OR2L13: variants seen among roughly 807,000 people sequenced by gnomAD.
The protein encoded by OR2L13 is olfactory receptor family 2 subfamily L member 13, also known as olfactory receptor 2L13.
Under a neutral mutation model 15.3 loss-of-function variants are expected in OR2L13, and 14 were observed. That is an observed-to-expected ratio of 0.91 (90% CI 0.60 to 1.43). OR2L13 has a LOEUF of 1.43. Ranked by LOEUF, OR2L13 falls within the 40% of genes most tolerant of loss-of-function variation. The pLI is 0.00. For missense variants in OR2L13, 367 were observed against 387.9 expected (o/e 0.95, Z 0.45); for synonymous variants, 152 against 142.9 (o/e 1.06, Z -0.45).
chr1:248,052,859 G>GA, the OR2L13 span, among the ~76,000 whole-genome samples: 16 of 149,552 alleles, frequency 1.1e-4, no homozygotes, highest in South Asian at 4.2e-4. Flanking sequence ...TTCTGTTTCT[G>GA]AAAAAAAAAA....
chr1:248,046,414 T>C, the OR2L13 span, among the ~76,000 whole-genome samples: 1 of 152,228 alleles, frequency 6.6e-6, no homozygotes, highest in Non-Finnish European at 1.5e-5. Context: ...GCAGACGCAT[T>C]GTTACTGTGG....
chr1:248,087,533 G>C, the OR2L13 span: 5 of 152,118 alleles, frequency 3.3e-5, no homozygotes, highest in African/African-American at 1.2e-4. Flanking sequence ...ATATATATGG[G>C]ACTGAATCTT....
the OR2L13 span, among the ~76,000 whole-genome samples, chr1:247,943,464 C>T: frequency 6.6e-6 from 1 of 152,070 alleles, no homozygotes; most frequent in African/African-American, 2.4e-5. Context: ...CTTTTATTTA[C>T]TGGATACACT....
the OR2L13 span, among the ~76,000 whole-genome samples, chr1:248,020,826 T>C: frequency 6.6e-6 from 1 of 151,726 alleles, no homozygotes; most frequent in Non-Finnish European, 1.5e-5. Context: ...TATTATACTT[T>C]AACTTTTAGG....
upstream of OR2L13, among the ~76,000 whole-genome samples, chr1:248,091,670 T>A (rs1664600701): frequency 6.6e-6 from 1 of 152,202 alleles, no homozygotes; most frequent in Non-Finnish European, 1.5e-5. Context: ...TAACATGCTG[T>A]TTTGATTATT....
the OR2L13 span, among the ~76,000 whole-genome samples, chr1:247,977,010 ACTTTAT>A: frequency 1.3e-3 from 204 of 152,292 alleles, 2 homozygotes; most frequent in Middle Eastern, 0.027. Context: ...TGCTTGTTCA[ACTTTAT>A]CTTTATATTC....
At chr1:248,082,528 TAA>T in the OR2L13 span, among the ~76,000 whole-genome samples, 5 of 152,184 alleles carry the variant, frequency 3.3e-5, no homozygotes, top group South Asian at 2.1e-4. Context: ...TATTATTTCT[TAA>T]GTGTGTTTTA....
the OR2L13 span, among the ~76,000 whole-genome samples, chr1:248,001,531 T>A: frequency 2.0e-5 from 3 of 151,158 alleles, no homozygotes; most frequent in Admixed American, 1.3e-4. Context: ...TTTCTGTAAA[T>A]AAAAAAATAA....
the OR2L13 span, chr1:248,039,186 A>G: frequency 6.2e-6 from 10 of 1,609,504 alleles, no homozygotes; most frequent in Non-Finnish European, 8.5e-6. Flanking sequence ...GATTCAGAAA[A>G]TCTTCTCAGT....
the OR2L13 span, chr1:248,022,562 T>C: frequency 6.2e-7 from 1 of 1,614,128 alleles, no homozygotes; most frequent in Admixed American, 1.7e-5. Flanking sequence ...GCACCATCTT[T>C]CTTGTGTTTC....
chr1:247,993,921 T>C, the OR2L13 span, among the ~76,000 whole-genome samples: 1,036 of 152,168 alleles, frequency 6.8e-3, 7 homozygotes, highest in African/African-American at 0.023. Context: ...CTCAGACCTG[T>C]GTAGAAAGGC....
At chr1:248,005,047 G>A in the OR2L13 span, among the ~76,000 whole-genome samples, 1 of 152,130 alleles carries the variant, frequency 6.6e-6, no homozygotes, top group Non-Finnish European at 1.5e-5. Context: ...ATAAAGTGGG[G>A]ATGGTTAACA....
At chr1:247,952,585 T>C in the OR2L13 span, among the ~76,000 whole-genome samples, 121,299 of 151,962 alleles carry the variant, frequency 0.8, 52,600 homozygotes, top group South Asian at 0.95. Flanking sequence ...CTTCAGGCAC[T>C]TTGTCTTGGA....
chr1:248,088,080 A>T, the OR2L13 span, among the ~76,000 whole-genome samples: 1 of 152,172 alleles, frequency 6.6e-6, no homozygotes, highest in Admixed American at 6.5e-5. Context: ...CTTTTACATT[A>T]ATATAGCAAT....
chr1:247,938,969 A>T, the OR2L13 span: 1 of 152,144 alleles, frequency 6.6e-6, no homozygotes, highest in Non-Finnish European at 1.5e-5. Flanking sequence ...ATGTCCTTTA[A>T]ACTTTTGTGG....
the OR2L13 span, chr1:248,029,301 A>G: frequency 6.6e-6 from 1 of 152,198 alleles, no homozygotes; most frequent in Non-Finnish European, 1.5e-5. Flanking sequence ...ATTTAAATAC[A>G]TGTGGAAAAA....
At chr1:248,022,969 G>A in the OR2L13 span, 1 of 1,234,540 alleles carries the variant, frequency 8.1e-7, no homozygotes, top group Non-Finnish European at 1.1e-6. Flanking sequence ...ATTATTACAT[G>A]CCCAGTATGT....
the OR2L13 span, among the ~76,000 whole-genome samples, chr1:247,968,679 CT>C: frequency 6.6e-6 from 1 of 152,036 alleles, no homozygotes; most frequent in Non-Finnish European, 1.5e-5. Context: ...TGAACGCATC[CT>C]TTTTTATGGC....
chr1:248,004,898 A>G, the OR2L13 span, among the ~76,000 whole-genome samples: 3 of 152,154 alleles, frequency 2.0e-5, no homozygotes, highest in African/African-American at 7.2e-5. Flanking sequence ...GTCAAAAATC[A>G]GTTGACTGCA....
Sources: gnomAD v4.1 joint callset for allele counts (sites outside exome capture counted in the v4.1 genomes callset) on GRCh38, gnomAD v4.1.1 for gene constraint, MANE v1.5 for transcripts, NCBI Gene and HGNC (gene_info 2026-07-23, HGNC 2026-07-21) for gene names.